Variants in FBXL14 observed in about 807,000 individuals in gnomAD.
FBXL14 encodes the protein F-box/LRR-repeat protein 14.
A neutral mutation model predicts 24.5 loss-of-function variants in FBXL14; 11 were observed. That is an observed-to-expected ratio of 0.45 (90% CI 0.28 to 0.74). The LOEUF (loss-of-function observed/expected upper bound fraction) is 0.74. Ranked by LOEUF, FBXL14 falls within the 30% of genes least tolerant of loss-of-function variation. The probability of loss-of-function intolerance (pLI) is 0.12; values close to 1 mark genes in which losing one functional copy is unlikely to be tolerated. For missense variants in FBXL14, 384 were observed against 545.6 expected (o/e 0.70, Z 2.95); for synonymous variants, 294 against 240.4 (o/e 1.22, Z -2.06).
chr12:1,581,614 AAAC>A (rs1455775234), intron 1 of FBXL14, among the ~76,000 whole-genome samples: 1 of 152,158 alleles, frequency 6.6e-6, no homozygotes, highest in African/African-American at 2.4e-5. Context: ...GTGTGGATGA[AAAC>A]AACGTTGGTC....
intron 1 of FBXL14, among the ~76,000 whole-genome samples, chr12:1,573,938 G>A (rs1367347744): frequency 1.3e-5 from 2 of 152,048 alleles, no homozygotes; most frequent in East Asian, 3.9e-4. Context: ...CTGGGAGGTG[G>A]AGGTTTTGGT....
chr12:1,583,617 G>C (rs2094471128), intron 1 of FBXL14, among the ~76,000 whole-genome samples: 1 of 152,232 alleles, frequency 6.6e-6, no homozygotes, highest in Non-Finnish European at 1.5e-5. Context: ...GGAGGAGGTT[G>C]TGGTTCCCCT....
rs1458308695 is a variant in FBXL14, at chr12:1,567,188, C to G, written c.1195-378G>C. Among the ~76,000 whole-genome samples, 2 of 152,118 alleles carry G rather than the reference C, an allele frequency of 1.3e-5. No homozygotes were observed. Among genetic ancestry groups the G allele is most frequent in the Non-Finnish European group, 2.9e-5 (2 of 68,020 alleles). On this transcript the variant is annotated intron_variant, in intron 1 of 1. Coordinates refer to ENST00000339235, the MANE Select transcript of FBXL14 (RefSeq NM_152441.3). This position sits in a 1 kb window ranked among gnomAD's most constrained non-coding sequence, Gnocchi z 4.8. ...ATACTAAAGGGCAAATAGGGCCTGGCACGGTGGCTGACGCCTGTAATCCCA... is the reference window on the plus strand; with the variant it reads ...ATACTAAAGGGCAAATAGGGCCTGGGACGGTGGCTGACGCCTGTAATCCCA...
intron 1 of FBXL14, among the ~76,000 whole-genome samples, chr12:1,591,925 A>G (rs894342800): frequency 2.0e-5 from 3 of 152,106 alleles, no homozygotes; most frequent in South Asian, 2.1e-4. Context: ...TTGCTCCCAC[A>G]TATTTGTGCT....
intron 1 of FBXL14, among the ~76,000 whole-genome samples, chr12:1,577,060 C>CCAG (rs1319552243): frequency 6.6e-6 from 1 of 152,172 alleles, no homozygotes; most frequent in Non-Finnish European, 1.5e-5. Flanking sequence ...TCAGTCCTGC[C>CCAG]GTTGGCTGTC....
At chr12:1,587,271 TA>T (rs1428836565) in intron 1 of FBXL14, 3 of 149,450 alleles carry the variant, frequency 2.0e-5, no homozygotes, top group African/African-American at 7.4e-5. Flanking sequence ...AAAATTGAAG[TA>T]GAAGAGTAAT....
chr12:1,576,959 T>TGC (rs1196182261), intron 1 of FBXL14, among the ~76,000 whole-genome samples: 2 of 152,366 alleles, frequency 1.3e-5, no homozygotes, highest in African/African-American at 4.8e-5. Flanking sequence ...ACTGCTGCAA[T>TGC]GCGTTGGTCA....
chr12:1,590,161 A>ATT (rs1222012788), intron 1 of FBXL14, among the ~76,000 whole-genome samples: 1 of 151,564 alleles, frequency 6.6e-6, no homozygotes, highest in Non-Finnish European at 1.5e-5. Context: ...TTTTCCAGGC[A>ATT]TTAAGCACTG....
At position 1,593,273 on chromosome 12, in the gene FBXL14, T is replaced by C; in HGVS notation, c.794A>G (p.Asn265Ser). 1 of 1,612,662 alleles carries C rather than the reference T, an allele frequency of 6.2e-7. No individual in the cohort carries two copies. The highest frequency in any genetic ancestry group is 8.5e-7 in the Non-Finnish European group (1 of 1,179,770). The change falls in exon 1 of 2, where the codon AAC becomes AGC. Residue 265 changes from asparagine to serine, a missense_variant. Physicochemically the swap from Asn to Ser is conservative, Grantham distance 46. Transcript: ENST00000339235. This position sits in a 1 kb window ranked among gnomAD's most constrained non-coding sequence, Gnocchi z 7.4. ...ATGCATGATGCCCGTGTCACTGATG[T>C]TGTCACAGGAGCGCAGGTTGAGGCT... ...LRSLNLRSCD[N>S]ISDTGIMHLA...
chr12:1,566,576 C>T lies in FBXL14; in HGVS notation c.*172G>A. ...CTGTCCCCAGAACTGGAGAAACCGGCAGGAGAATGCAGCTTCACAAGGTAC... is the reference window on the plus strand; with the variant it reads ...CTGTCCCCAGAACTGGAGAAACCGGTAGGAGAATGCAGCTTCACAAGGTAC... On this transcript the variant is annotated 3_prime_UTR_variant, in exon 2 of 2. Coordinates refer to ENST00000339235, the MANE Select transcript of FBXL14 (RefSeq NM_152441.3). 1.7e-6 allele frequency: 1 copy of T among 592,030 alleles called. No individual in the cohort carries two copies. The highest frequency in any genetic ancestry group is 2.2e-5 in the South Asian group (1 of 46,334). The allele number at this position is 592,030 out of a possible 1,614,324, so 36.7% of individuals were successfully genotyped here. A position where few individuals can be genotyped will look rare whatever the true frequency, so the allele number is the denominator to read the frequency against.
chr12:1,571,289 A>G (rs546510547), intron 1 of FBXL14, among the ~76,000 whole-genome samples: 2 of 152,002 alleles, frequency 1.3e-5, no homozygotes, highest in African/African-American at 4.8e-5. Context: ...GCTCACTGCA[A>G]CCTCTGCCTC....
intron 1 of FBXL14, among the ~76,000 whole-genome samples, chr12:1,590,821 G>A (rs2094487890): frequency 6.6e-6 from 1 of 152,154 alleles, no homozygotes; most frequent in Non-Finnish European, 1.5e-5. Context: ...CTCACACTGG[G>A]AGATTCAGTA....
chr12:1,576,160 C>A (rs551333458), intron 1 of FBXL14, among the ~76,000 whole-genome samples: 2 of 152,070 alleles, frequency 1.3e-5, no homozygotes, highest in African/African-American at 4.8e-5. Context: ...TGATTTAAAT[C>A]GTCATTTAAA....
intron 1 of FBXL14, among the ~76,000 whole-genome samples, chr12:1,580,228 C>T (rs1036672072): frequency 5.3e-5 from 8 of 152,162 alleles, no homozygotes; most frequent in East Asian, 1.9e-4. Flanking sequence ...TCCAATCTTG[C>T]GGTGTATGGA....
chr12:1,566,421 G>A lies in FBXL14; in HGVS notation c.*327C>T. Reference sequence around the variant, plus strand: ...ATATTTATATGTATAAAATTAAAGTGTGGAACTTGTAGTTTCCTGTCGAAG... The same window carrying A: ...ATATTTATATGTATAAAATTAAAGTATGGAACTTGTAGTTTCCTGTCGAAG... On this transcript the variant is annotated 3_prime_UTR_variant, in exon 2 of 2. Transcript: ENST00000339235. The A allele has an allele frequency of 3.9e-6, 1 of 253,726 alleles. No homozygotes were observed. Among genetic ancestry groups the A allele is most frequent in the East Asian group, 8.2e-5 (1 of 12,200 alleles). 15.7% of individuals were successfully genotyped at this position (253,726 alleles called of 1,614,324 possible).
intron 1 of FBXL14, among the ~76,000 whole-genome samples, chr12:1,588,608 T>C (rs368990730): frequency 7.9e-5 from 12 of 152,168 alleles, no homozygotes; most frequent in African/African-American, 1.2e-4. Context: ...AGTAAGAACA[T>C]TGAAGGGCTA....
At position 1,566,588 on chromosome 12, in the gene FBXL14, G is replaced by C; in HGVS notation, c.*160C>G. ...CTGGAGAAACCGGCAGGAGAATGCAGCTTCACAAGGTACCGGAGCAGAAGC... is the reference window on the plus strand; with the variant it reads ...CTGGAGAAACCGGCAGGAGAATGCACCTTCACAAGGTACCGGAGCAGAAGC... On this transcript the variant is annotated 3_prime_UTR_variant, in exon 2 of 2. Coordinates refer to ENST00000339235, the MANE Select transcript of FBXL14 (RefSeq NM_152441.3). 1.6e-6 allele frequency: 1 copy of C among 623,358 alleles called. No homozygotes were observed. Among genetic ancestry groups the C allele is most frequent in the Non-Finnish European group, 2.9e-6 (1 of 344,540 alleles). The allele number at this position is 623,358 out of a possible 1,614,324, so 38.6% of individuals were successfully genotyped here. A position where few individuals can be genotyped will look rare whatever the true frequency, so the allele number is the denominator to read the frequency against.
At chr12:1,572,635 G>C (rs1291756183) in intron 1 of FBXL14, among the ~76,000 whole-genome samples, 1 of 152,186 alleles carries the variant, frequency 6.6e-6, no homozygotes, top group Non-Finnish European at 1.5e-5. Flanking sequence ...GGAAGCGGGG[G>C]GGCAGTGGAG....
chr12:1,582,727 G>A (rs2094469130), intron 1 of FBXL14, among the ~76,000 whole-genome samples: 1 of 152,126 alleles, frequency 6.6e-6, no homozygotes. Context: ...CTTATAAGCT[G>A]TGGCTCCTCT....
Sources: gnomAD v4.1 joint callset for allele counts (sites outside exome capture counted in the v4.1 genomes callset) on GRCh38, gnomAD v4.1.1 for gene constraint, Gnocchi (gnomAD v3.1) non-coding constraint, MANE v1.5 for transcripts, NCBI Gene and HGNC (gene_info 2026-07-23, HGNC 2026-07-21) for gene names.